RBFOX1: variants seen among roughly 807,000 people sequenced by gnomAD.
RBFOX1 encodes RNA binding fox-1 homolog 1, also known as RNA binding protein fox-1 homolog 1.
In RBFOX1, 8 loss-of-function variants were observed where a neutral mutation model predicts 57.7. The observed-to-expected ratio is 0.14, with a 90% CI of 0.08 to 0.25. RBFOX1 has a LOEUF of 0.25. Among genes scored for constraint, RBFOX1 ranks in the 10% least tolerant of loss-of-function variants. The pLI is 1.00. For missense variants in RBFOX1, 611 were observed against 548.5 expected, an observed-to-expected ratio of 1.11 and a Z score of -1.14; for synonymous variants, 326 against 222.4, an observed-to-expected ratio of 1.47 and a Z score of -4.15.
chr16:7,405,932 G>A (rs1240858622), intron 4 of RBFOX1, among the ~76,000 whole-genome samples: 1 of 152,098 alleles, frequency 6.6e-6, no homozygotes, highest in South Asian at 2.1e-4. Context: ...ATTTTTAGTT[G>A]TCACGACTGG....
At chr16:6,527,384 C>G (rs373239914) in intron 2 of RBFOX1, among the ~76,000 whole-genome samples, 1 of 151,978 alleles carries the variant, frequency 6.6e-6, no homozygotes, top group Non-Finnish European at 1.5e-5. Flanking sequence ...AAAGTGATTT[C>G]TGTACAGGCT....
intron 5 of RBFOX1, among the ~76,000 whole-genome samples, chr16:7,520,084 A>G (rs1021899590): frequency 7.2e-5 from 11 of 151,978 alleles, no homozygotes; most frequent in South Asian, 4.2e-4. Context: ...ACGGGATTTC[A>G]CTGTGTTATC....
intron 3 of RBFOX1, among the ~76,000 whole-genome samples, chr16:6,998,986 G>A (rs8044715): frequency 0.79 from 118,787 of 151,270 alleles, 46,985 homozygotes; most frequent in East Asian, 0.98. Context: ...CTCGTGCCTC[G>A]GCATCCTGAG....
intron 3 of RBFOX1, among the ~76,000 whole-genome samples, chr16:5,708,831 C>A (rs185538846): frequency 6.6e-6 from 1 of 152,176 alleles, no homozygotes; most frequent in East Asian, 1.9e-4. Context: ...TGCCATGGGC[C>A]ACAATTTCTA....
intron 1 of RBFOX1, among the ~76,000 whole-genome samples, chr16:5,403,762 C>G (rs2066786694): frequency 6.6e-6 from 1 of 152,116 alleles, no homozygotes; most frequent in Admixed American, 6.5e-5. Flanking sequence ...CTGATGTCTT[C>G]TATGTTGGTG....
At chr16:7,522,643 A>G in intron 5 of RBFOX1, among the ~76,000 whole-genome samples, 1 of 152,184 alleles carries the variant, frequency 6.6e-6, no homozygotes. Flanking sequence ...AGTTGGTAGG[A>G]TAGTTGATTT....
At chr16:6,603,720 C>T (rs911679457) in intron 2 of RBFOX1, among the ~76,000 whole-genome samples, 7 of 152,280 alleles carry the variant, frequency 4.6e-5, no homozygotes, top group East Asian at 1.9e-4. Context: ...TGGGTAAGGA[C>T]ATCTGGACTG....
Position 5,778,632 on chromosome 16 carries a change from T to C in RBFOX1, c.319-88671T>C, listed in dbSNP as rs141646595. Among the ~76,000 whole-genome samples the C allele has an allele frequency of 4.3e-3, 654 of 152,312 alleles. 5 individuals are homozygous for C. Among genetic ancestry groups the C allele is most frequent in the African/African-American group, 0.015 (614 of 41,570 alleles). On this transcript the variant is annotated intron_variant, in intron 3 of 19. Coordinates refer to the RBFOX1 transcript ENST00000641259. Reference sequence around the variant, plus strand: ...CCCTGTACCAAGTAGGTTTGACTCATGGATCCGTTGATTGCATCTGTCCAC... The same window carrying C: ...CCCTGTACCAAGTAGGTTTGACTCACGGATCCGTTGATTGCATCTGTCCAC...
intron 4 of RBFOX1, among the ~76,000 whole-genome samples, chr16:7,338,237 G>C (rs747233118): frequency 7.3e-5 from 10 of 136,410 alleles, no homozygotes; most frequent in Non-Finnish European, 1.2e-4. Flanking sequence ...ATCATTTACC[G>C]TTTCTATGCC....
intron 4 of RBFOX1, among the ~76,000 whole-genome samples, chr16:7,474,737 CA>C (rs1279608225): frequency 6.6e-6 from 1 of 152,138 alleles, no homozygotes; most frequent in African/African-American, 2.4e-5. Context: ...GTAAAATGGG[CA>C]TAATCGTAGA....
At chr16:6,431,242 A>T (rs990455027) in intron 2 of RBFOX1, among the ~76,000 whole-genome samples, 61 of 152,078 alleles carry the variant, frequency 4.0e-4, no homozygotes, top group Non-Finnish European at 4.4e-5. Context: ...GGTGGTTTGA[A>T]TAAAGTTAGG....
chr16:7,505,055 C>T (rs182685686), intron 4 of RBFOX1, among the ~76,000 whole-genome samples: 1,526 of 151,200 alleles, frequency 0.01, 13 homozygotes, highest in Non-Finnish European at 0.016. Context: ...TTTGACCTTG[C>T]TCTCAGTGCC....
chr16:6,885,230 G>C (rs1039163952), intron 3 of RBFOX1, among the ~76,000 whole-genome samples: 6 of 152,144 alleles, frequency 3.9e-5, no homozygotes, highest in South Asian at 2.1e-4. Context: ...TGGTTTTTCA[G>C]ATGTGGTCTC....
At chr16:5,842,455 C>G (rs2056649116) in intron 3 of RBFOX1, among the ~76,000 whole-genome samples, 1 of 152,152 alleles carries the variant, frequency 6.6e-6, no homozygotes, top group Non-Finnish European at 1.5e-5. Flanking sequence ...CATTTGTAGG[C>G]AAGCATGTAT....
At chr16:7,217,629 T>A (rs1292638897) in intron 4 of RBFOX1, among the ~76,000 whole-genome samples, 1 of 151,800 alleles carries the variant, frequency 6.6e-6, no homozygotes, top group Non-Finnish European at 1.5e-5. Context: ...TTACTTGGCT[T>A]GAAAAGGAAA....
rs148843522 is a variant in RBFOX1 at position 5,862,171 on chromosome 16, C to T, written c.319-5132C>T. On this transcript the variant is annotated intron_variant, in intron 3 of 19. Transcript: ENST00000641259. The stretch of plus-strand genomic sequence containing the variant: ...GCAAAGACGACCTGCTAGACTCCTT[C>T]AGGGTTTGGGGATCTAAGATTTTCA... 5.2e-3 allele frequency among the ~76,000 whole-genome samples: 792 copies of T among 152,300 alleles called. 9 individuals carry two copies. The highest frequency in any genetic ancestry group is 6.8e-3 in the Middle Eastern group (2 of 294).
chr16:5,747,245 T>C (rs1255725377), intron 3 of RBFOX1, among the ~76,000 whole-genome samples: 1 of 152,200 alleles, frequency 6.6e-6, no homozygotes, highest in Non-Finnish European at 1.5e-5. Flanking sequence ...CACTTGATCA[T>C]GGTGGATAAG....
intron 4 of RBFOX1, among the ~76,000 whole-genome samples, chr16:7,184,779 C>T (rs1442603874): frequency 6.6e-6 from 1 of 152,140 alleles, no homozygotes; most frequent in African/African-American, 2.4e-5. Flanking sequence ...AACCTTAGTT[C>T]TGAATGTTTG....
At position 6,161,388 on chromosome 16, in the gene RBFOX1, T is replaced by TA. The variant is rs57538647; in HGVS notation, c.-127+141413dup. ...TGGGCGATAGAGTGAGACTCTGTCTTAAAAAAAAAAAAAAAAAGGATTGAT... is the reference window on the plus strand; with the variant it reads ...TGGGCGATAGAGTGAGACTCTGTCTTAAAAAAAAAAAAAAAAAAGGATTGAT... On this transcript the variant is annotated intron_variant, in intron 1 of 15. Transcript: ENST00000550418. 2.0e-3 allele frequency among the ~76,000 whole-genome samples: 265 copies of TA among 131,868 alleles called. 1 individual carries two copies. Among genetic ancestry groups the TA allele is most frequent in the East Asian group, 9.6e-3 (43 of 4,496 alleles). The allele number at this position is 131,868 out of a possible 152,430, so 86.5% of individuals were successfully genotyped here.
Sources: allele counts gnomAD v4.1 joint callset (sites outside exome capture counted in the v4.1 genomes callset), GRCh38; gene constraint gnomAD v4.1.1; transcripts MANE v1.5; gene names NCBI Gene and HGNC (gene_info 2026-07-23, HGNC 2026-07-21).